Variants in BCR observed in about 807,000 individuals in gnomAD.
The protein encoded by BCR is breakpoint cluster region protein.
Under a neutral mutation model 138.6 loss-of-function variants are expected in BCR, and 58 were observed. That is an observed-to-expected ratio of 0.42 (90% CI 0.34 to 0.52). The LOEUF is 0.52. Among genes scored for constraint, BCR ranks in the 20% least tolerant of loss-of-function variants. The probability of loss-of-function intolerance (pLI) is 0.06; values close to 1 mark genes in which losing one functional copy is unlikely to be tolerated. For missense variants in BCR, 1,599 were observed against 1,727.2 expected, an observed-to-expected ratio of 0.93 and a Z score of 1.32; for synonymous variants, 786 against 730.1, an observed-to-expected ratio of 1.08 and a Z score of -1.23.
rs888677122 is a variant in BCR, at chr22:23,182,305, G to A, written c.1279+66G>A. 2.8e-6 allele frequency: 4 copies of A among 1,445,060 alleles called. 1 individual carries two copies. The highest frequency in any genetic ancestry group is 2.8e-5 in the South Asian group (2 of 71,804). 89.5% of individuals were successfully genotyped at this position (1,445,060 alleles called of 1,614,324 possible). On this transcript the variant is annotated intron_variant, in intron 1 of 22. Coordinates refer to ENST00000305877, the MANE Select transcript of BCR (RefSeq NM_004327.4). ...GGGAGGAAAACCATAGACGAGTAGG[G>A]GATACAAAACAGAAGTTGGGAGGGA...
At chr22:23,198,747 A>G (rs899290581) in intron 1 of BCR, among the ~76,000 whole-genome samples, 7 of 152,098 alleles carry the variant, frequency 4.6e-5, no homozygotes, top group African/African-American at 1.7e-4. Context: ...GTGATACCCA[A>G]GGGAGGCATC....
chr22:23,213,398 T>C (rs1297214183), intron 1 of BCR, among the ~76,000 whole-genome samples: 1 of 152,044 alleles, frequency 6.6e-6, no homozygotes, highest in Admixed American at 6.6e-5. Flanking sequence ...TAATGGATGG[T>C]CAGGCACAGC....
chr22:23,204,109 C>T (rs1321127352), intron 1 of BCR, among the ~76,000 whole-genome samples: 1 of 152,100 alleles, frequency 6.6e-6, no homozygotes, highest in Non-Finnish European at 1.5e-5. Flanking sequence ...GAGGAATGGC[C>T]CCTTCTTCAG....
intron 4 of BCR, among the ~76,000 whole-genome samples, chr22:23,267,129 C>T (rs1362629483): frequency 3.9e-5 from 6 of 152,118 alleles, no homozygotes; most frequent in Non-Finnish European, 8.8e-5. Flanking sequence ...AGGGCAGCGC[C>T]GTGTCTGAAT....
chr22:23,197,245 T>C (rs138636832), intron 1 of BCR, among the ~76,000 whole-genome samples: 38 of 152,338 alleles, frequency 2.5e-4, no homozygotes, highest in African/African-American at 9.1e-4. Context: ...CTAGGAGCAA[T>C]AGGCTGTGCC....
At chr22:23,295,267 G>C in intron 16 of BCR, 112 bp downstream of exon 16, 656 of 516,272 alleles carry the variant, frequency 1.3e-3, no homozygotes, top group Non-Finnish European at 2.0e-3. Flanking sequence ...GGTGGGGTGG[G>C]CAGCTGTGGC....
chr22:23,264,479 C>T (rs2073413867), intron 4 of BCR: 2 of 595,504 alleles, frequency 3.4e-6, no homozygotes, highest in Non-Finnish European at 6.0e-6. Context: ...GCCTGTGACC[C>T]CAGTGCTCAG....
At chr22:23,295,515 AAAGCACAGGGGTCCCAGAGGCTGCCTGC>A (rs1346540399) in intron 16 of BCR, among the ~76,000 whole-genome samples, 32 of 152,128 alleles carry the variant, frequency 2.1e-4, no homozygotes, top group Middle Eastern at 3.4e-3. Context: ...TCTTCTTAGA[AAAGCACAGGGGTCCCAGAGGCTGCCTGC>A]AAGCACAGGG....
At chr22:23,265,438 G>A (rs1256155858) in intron 4 of BCR, among the ~76,000 whole-genome samples, 1 of 152,168 alleles carries the variant, frequency 6.6e-6, no homozygotes, top group Admixed American at 6.5e-5. Flanking sequence ...CAAGTCTTAG[G>A]ACCAAAGGAG....
chr22:23,298,113 CTGA>C (rs2073865702), intron 16 of BCR, among the ~76,000 whole-genome samples: 1 of 152,172 alleles, frequency 6.6e-6, no homozygotes, highest in Admixed American at 6.5e-5. Flanking sequence ...GGGCTCAATG[CTGA>C]AGTCACTTGG....
At chr22:23,254,103 T>A in intron 2 of BCR, 123 bp downstream of exon 2, 1 of 1,176,856 alleles carries the variant, frequency 8.5e-7, no homozygotes, top group Non-Finnish European at 1.2e-6. Context: ...AGCGAGTGGG[T>A]CACCAAAAAC....
intron 14 of BCR, chr22:23,290,789 AT>A (rs2073777355): frequency 7.6e-6 from 2 of 262,310 alleles, no homozygotes; most frequent in South Asian, 1.1e-4. Context: ...AGCAGAGCAG[AT>A]TTGGCTGCTC....
intron 10 of BCR, 42 bp downstream of exon 10, chr22:23,285,243 A>G: frequency 6.4e-7 from 1 of 1,572,996 alleles, no homozygotes; most frequent in Non-Finnish European, 8.6e-7. Flanking sequence ...GTGTGGTCAG[A>G]GTGGCAGCAG....
chr22:23,252,144 T>C (rs1345198250), intron 1 of BCR, among the ~76,000 whole-genome samples: 1 of 152,122 alleles, frequency 6.6e-6, no homozygotes, highest in Admixed American at 6.5e-5. Flanking sequence ...GTAAGGGTGG[T>C]CTGGGATTTC....
At chr22:23,203,451 G>A (rs1357047985) in intron 1 of BCR, among the ~76,000 whole-genome samples, 2 of 152,226 alleles carry the variant, frequency 1.3e-5, no homozygotes, top group Non-Finnish European at 2.9e-5. Context: ...AAATTGTGAT[G>A]TGGGATTTTC....
At chr22:23,196,611 A>G (rs1428662873) in intron 1 of BCR, among the ~76,000 whole-genome samples, 5 of 151,916 alleles carry the variant, frequency 3.3e-5, no homozygotes, top group Non-Finnish European at 7.4e-5. Context: ...CATGGAAGAA[A>G]TTTTTCCACA....
chr22:23,250,810 G>A (rs759161492), intron 1 of BCR, among the ~76,000 whole-genome samples: 2 of 152,180 alleles, frequency 1.3e-5, no homozygotes, highest in Non-Finnish European at 2.9e-5. Context: ...GCACCTTAGC[G>A]AGTCAACGTC....
chr22:23,267,687 T>G (rs1207420791), intron 4 of BCR, among the ~76,000 whole-genome samples: 1 of 152,188 alleles, frequency 6.6e-6, no homozygotes, highest in Non-Finnish European at 1.5e-5. Context: ...CATAAAGGTG[T>G]TGTGGGGCCC....
At chr22:23,186,163 C>T (rs1285136642) in intron 1 of BCR, among the ~76,000 whole-genome samples, 1 of 152,222 alleles carries the variant, frequency 6.6e-6, no homozygotes, top group East Asian at 1.9e-4. Flanking sequence ...CTTGATCAGT[C>T]ACCAGAAGTT....
Sources: gnomAD v4.1 joint callset for allele counts (sites outside exome capture counted in the v4.1 genomes callset) on GRCh38, gnomAD v4.1.1 for gene constraint, MANE v1.5 for transcripts, NCBI Gene and HGNC (gene_info 2026-07-23, HGNC 2026-07-21) for gene names.